ARAP2: variants seen among roughly 807,000 people sequenced by gnomAD.
The protein encoded by ARAP2 is ArfGAP with RhoGAP domain, ankyrin repeat and PH domain 2.
In ARAP2, 148 loss-of-function variants were observed where a neutral mutation model predicts 194.5. That is an observed-to-expected ratio of 0.76 (90% CI 0.67 to 0.87). ARAP2 has a LOEUF of 0.87. Ranked by LOEUF, ARAP2 falls within the 40% of genes least tolerant of loss-of-function variation. ARAP2 has a pLI of 0.00. For synonymous variants in ARAP2, 695 were observed against 683.5 expected (o/e 1.02, Z -0.26); for missense variants, 2,128 against 1,989.7 (o/e 1.07, Z -1.32).
chr4:36,169,194 G>T (rs144430373), intron 9 of ARAP2, among the ~76,000 whole-genome samples: 36 of 152,296 alleles, frequency 2.4e-4, no homozygotes, highest in Non-Finnish European at 4.7e-4. Flanking sequence ...TAAATACGTG[G>T]ACTGCATGTC....
At chr4:36,123,982 CTA>C (rs1723286540) in intron 22 of ARAP2, among the ~76,000 whole-genome samples, 1 of 151,846 alleles carries the variant, frequency 6.6e-6, no homozygotes, top group East Asian at 1.9e-4. Context: ...CTAAAATTCT[CTA>C]TATTAAAGTT....
intron 27 of ARAP2, among the ~76,000 whole-genome samples, chr4:36,100,732 A>C (rs1716652361): frequency 6.6e-6 from 1 of 152,122 alleles, no homozygotes; most frequent in Admixed American, 6.6e-5. Context: ...TCACTGCTTG[A>C]AAGTATGTTA....
At chr4:36,036,598 A>G (rs1345305960) in intron 5 of ARAP2, among the ~76,000 whole-genome samples, 13 of 152,130 alleles carry the variant, frequency 8.5e-5, no homozygotes, top group Admixed American at 5.2e-4. Context: ...AATTATCTCT[A>G]TACCACAGTA....
intron 2 of ARAP2, among the ~76,000 whole-genome samples, chr4:36,224,313 A>C (rs1359405070): frequency 2.7e-5 from 4 of 150,592 alleles, no homozygotes; most frequent in South Asian, 2.1e-4. Flanking sequence ...AAAAAAAAAA[A>C]CACAATCATT....
intron 24 of ARAP2, among the ~76,000 whole-genome samples, chr4:36,117,733 A>G (rs1721713308): frequency 6.6e-6 from 1 of 151,792 alleles, no homozygotes; most frequent in Admixed American, 6.6e-5. Context: ...ATGGCAGACA[A>G]TAAAAAGAAG....
In ARAP2 at chr4:36,080,289, G is replaced by A. The variant is rs766030407; in HGVS notation, c.4545-10C>T. ...ATCACAACACAGGTGCCTGCAAAAC[G>A]AGGTTTATAAACTATGTCATTCAAA... On this transcript the variant is annotated splice_polypyrimidine_tract_variant and intron_variant, in intron 30 of 32. Transcript: ENST00000303965. 7 of 1,609,498 alleles carry A rather than the reference G, an allele frequency of 4.3e-6. No homozygotes were observed. Among genetic ancestry groups the A allele is most frequent in the African/African-American group, 2.7e-5 (2 of 74,746 alleles).
At chr4:36,016,650 A>C (rs1033004779) in intron 6 of ARAP2, among the ~76,000 whole-genome samples, 9 of 152,292 alleles carry the variant, frequency 5.9e-5, no homozygotes, top group African/African-American at 2.2e-4. Context: ...TCAGGTAAAA[A>C]AGACTTTGCA....
intron 16 of ARAP2, 77 bp downstream of exon 16, chr4:36,150,820 AATG>A: frequency 4.7e-6 from 7 of 1,475,964 alleles, no homozygotes; most frequent in Non-Finnish European, 6.5e-6. Context: ...AAAGAACTAA[AATG>A]ATAACAAAAC....
intron 8 of ARAP2, among the ~76,000 whole-genome samples, chr4:36,014,317 A>AG (rs1715296063): frequency 1.0e-5 from 1 of 97,184 alleles, no homozygotes; most frequent in African/African-American, 4.7e-5. Flanking sequence ...AAGGAAAGAA[A>AG]GAAAGAGAGA....
At chr4:36,033,710 G>A (rs1442283393) in intron 5 of ARAP2, among the ~76,000 whole-genome samples, 1 of 151,956 alleles carries the variant, frequency 6.6e-6, no homozygotes, top group Admixed American at 6.6e-5. Flanking sequence ...TCTTTATCAT[G>A]AAATCTTTGC....
At chr4:36,224,033 T>C (rs1749715732) in intron 2 of ARAP2, among the ~76,000 whole-genome samples, 1 of 151,804 alleles carries the variant, frequency 6.6e-6, no homozygotes, top group Non-Finnish European at 1.5e-5. Context: ...AAGTGAGTGT[T>C]CAGCATACCT....
chr4:36,202,150 A>G (rs988220364), intron 6 of ARAP2, among the ~76,000 whole-genome samples: 1 of 152,194 alleles, frequency 6.6e-6, no homozygotes, highest in Non-Finnish European at 1.5e-5. Context: ...AATATTTTCT[A>G]GGACTACAAT....
At chr4:36,024,164 T>C (rs909964014) in intron 5 of ARAP2, among the ~76,000 whole-genome samples, 2 of 152,120 alleles carry the variant, frequency 1.3e-5, no homozygotes, top group Non-Finnish European at 2.9e-5. Flanking sequence ...CAAATCAGTC[T>C]CATTATCTCT....
chr4:36,238,397 A>C (rs1752842047), intron 1 of ARAP2, among the ~76,000 whole-genome samples: 1 of 152,244 alleles, frequency 6.6e-6, no homozygotes, highest in African/African-American at 2.4e-5. Context: ...AATGTCACGC[A>C]ATAGATAAAC....
At chr4:36,034,226 C>A (rs957448386) in intron 5 of ARAP2, among the ~76,000 whole-genome samples, 59 of 152,130 alleles carry the variant, frequency 3.9e-4, no homozygotes, top group Middle Eastern at 3.4e-3. Context: ...TCATAAATTT[C>A]TTTGGACAGT....
At chr4:36,123,138 A>G (rs1275907908) in intron 22 of ARAP2, among the ~76,000 whole-genome samples, 4 of 151,816 alleles carry the variant, frequency 2.6e-5, no homozygotes, top group African/African-American at 9.7e-5. Context: ...AACAATGTCT[A>G]TGCTTTTACA....
chr4:36,054,731 AC>A (rs1723217878), intron 2 of ARAP2, among the ~76,000 whole-genome samples: 1 of 152,238 alleles, frequency 6.6e-6, no homozygotes, highest in Admixed American at 6.5e-5. Context: ...TTACATCATT[AC>A]CACATACTAC....
At chr4:36,177,726 C>T (rs1738289811) in intron 9 of ARAP2, 101 bp downstream of exon 9, 4 of 1,256,846 alleles carry the variant, frequency 3.2e-6, no homozygotes, top group Non-Finnish European at 4.3e-6. Context: ...AATGCTAAAA[C>T]AAGACTCTAT....
chr4:36,228,529 AT>A, intron 2 of ARAP2, 52 bp downstream of exon 2: 1 of 1,489,454 alleles, frequency 6.7e-7, no homozygotes, highest in Non-Finnish European at 9.0e-7. Context: ...GTTAAAAAAA[AT>A]CACTGAATTT....
Sources: gnomAD v4.1 joint callset for allele counts (sites outside exome capture counted in the v4.1 genomes callset) on GRCh38, gnomAD v4.1.1 for gene constraint, MANE v1.5 for transcripts, NCBI Gene and HGNC (gene_info 2026-07-23, HGNC 2026-07-21) for gene names.